CHORDC1: variants seen among roughly 807,000 people sequenced by gnomAD.
The protein encoded by CHORDC1 is cysteine and histidine-rich domain-containing protein 1.
CHORDC1 carries 25 observed loss-of-function variants against 48.3 expected under a neutral mutation model. The observed-to-expected ratio is 0.52, with a 90% CI of 0.38 to 0.72. CHORDC1 has a LOEUF of 0.72. Among genes scored for constraint, CHORDC1 ranks in the 30% least tolerant of loss-of-function variants. The probability of loss-of-function intolerance (pLI) is 0.00; values close to 1 mark genes in which losing one functional copy is unlikely to be tolerated. For missense variants in CHORDC1, 317 were observed against 388.7 expected, an observed-to-expected ratio of 0.82 and a Z score of 1.55; for synonymous variants, 128 against 126.4, an observed-to-expected ratio of 1.01 and a Z score of -0.09.
At chr11:90,219,484 C>T (rs1018212019) in intron 1 of CHORDC1, among the ~76,000 whole-genome samples, 22 of 152,196 alleles carry the variant, frequency 1.4e-4, no homozygotes, top group African/African-American at 4.3e-4. Flanking sequence ...GTGACATGCT[C>T]GTGACGGCTT....
chr11:90,217,067 C>T (rs1241129255), intron 2 of CHORDC1, among the ~76,000 whole-genome samples: 1 of 152,152 alleles, frequency 6.6e-6, no homozygotes, highest in African/African-American at 2.4e-5. Context: ...TTTGTAAAAA[C>T]TAAAAAAATG....
chr11:90,220,426 G>A (rs946768461), intron 1 of CHORDC1, among the ~76,000 whole-genome samples: 6 of 152,278 alleles, frequency 3.9e-5, no homozygotes, highest in East Asian at 1.9e-4. Flanking sequence ...AGTAGAAATG[G>A]GTATGCAGAA....
intron 2 of CHORDC1, chr11:90,216,675 A>G: frequency 3.4e-6 from 1 of 294,490 alleles, no homozygotes; most frequent in South Asian, 2.9e-5. Context: ...GCGGTAAGAG[A>G]AAAAACGGGC....
rs372693041 is a variant in CHORDC1 at position 90,205,618 on chromosome 11, T to A, written c.564-53A>T. 1,060 of 1,117,134 alleles carry A rather than the reference T, an allele frequency of 9.5e-4. 15 individuals are homozygous for A. The South Asian group carries it at 0.014, about 14-fold the overall frequency. The allele number at this position is 1,117,134 out of a possible 1,614,324, so 69.2% of individuals were successfully genotyped here. Reference sequence around the variant, plus strand: ...AAATAAAATCTCACAACCAATTAAATCCACAAGTATTTTAGGGATAAATCT... The same window carrying A: ...AAATAAAATCTCACAACCAATTAAAACCACAAGTATTTTAGGGATAAATCT... On this transcript the variant is annotated intron_variant, in intron 7 of 10. Transcript: ENST00000320585.
intron 8 of CHORDC1, among the ~76,000 whole-genome samples, chr11:90,204,698 G>A (rs943145854): frequency 6.6e-6 from 1 of 151,700 alleles, no homozygotes; most frequent in African/African-American, 2.4e-5. Flanking sequence ...GACAGAGCGA[G>A]ACTCTGTCTC....
chr11:90,211,221 T>C lies in CHORDC1; in HGVS notation c.427A>G (p.Lys143Glu), dbSNP rs751112342. The stretch of plus-strand genomic sequence containing the variant: ...AAACAAAATAAAATCTTACCTTTCT[T>C]ATTTTCTTCATTCCCTGATGACAGT... ...LKLSSGNEEN[K>E]KEEDNDEIKI... The change falls in exon 5 of 11, where the codon AAG becomes GAG. Residue 143 changes from lysine (K) to glutamate (E), a missense_variant. By Grantham distance (56) the Lys-to-Glu change is moderately conservative. Transcript: ENST00000320585. 1.9e-6 allele frequency: 3 copies of C among 1,563,172 alleles called. No homozygotes were observed. Among genetic ancestry groups the C allele is most frequent in the South Asian group, 2.3e-5 (2 of 88,582 alleles).
rs185568478 is a variant in CHORDC1 at position 90,202,077 on chromosome 11, T to A, written c.*328A>T. The A allele has an allele frequency of 2.7e-3, 500 of 188,130 alleles. 3 individuals carry two copies. Among genetic ancestry groups the A allele is most frequent in the African/African-American group, 0.011 (461 of 43,110 alleles). The allele number at this position is 188,130 out of a possible 1,614,324, so 11.7% of individuals were successfully genotyped here. A position where few individuals can be genotyped will look rare whatever the true frequency, so the allele number is the denominator to read the frequency against. ...GAATAATACAAAAACATAAAAAAAA[T>A]GTTCCTTAATATTTCTTTGCTTAAC... On this transcript the variant is annotated 3_prime_UTR_variant, in exon 11 of 11. Coordinates refer to ENST00000320585, the MANE Select transcript of CHORDC1 (RefSeq NM_012124.3).
At chr11:90,216,142 G>A (rs910897341) in intron 2 of CHORDC1, among the ~76,000 whole-genome samples, 2 of 151,904 alleles carry the variant, frequency 1.3e-5, no homozygotes, top group Non-Finnish European at 2.9e-5. Context: ...CTTAAATATA[G>A]GGTTTAAATA....
chr11:90,211,523 T>G, intron 4 of CHORDC1: 1 of 423,252 alleles, frequency 2.4e-6, no homozygotes, highest in Non-Finnish European at 4.2e-6. Context: ...TATATTAGAA[T>G]AGTAAGTCTC....
At chr11:90,210,772 T>G in intron 5 of CHORDC1, 178 bp from the exon 6 acceptor site, 1 of 573,718 alleles carries the variant, frequency 1.7e-6, no homozygotes, top group South Asian at 2.2e-5. Context: ...GAGGACCTGG[T>G]GTCTTCAACA....
At position 90,205,530 on chromosome 11, in the gene CHORDC1, G is replaced by T; in HGVS notation, c.599C>A (p.Ser200Tyr). The change falls in exon 8 of 11, where the codon TCT (serine) becomes TAT (tyrosine). Residue 200 changes from serine to tyrosine, a missense_variant. Ser to Tyr is a moderately radical substitution (Grantham distance 144). Coordinates refer to ENST00000320585, the MANE Select transcript of CHORDC1 (RefSeq NM_012124.3). ...KYWSCCRRKT[S>Y]DFNTFLAQEG... The stretch of plus-strand genomic sequence containing the variant: ...TTGGGCTAAGAATGTATTAAAATCA[G>T]AAGTTTTTCTTCTACAACAGCTCCA... 1.9e-6 allele frequency: 3 copies of T among 1,601,506 alleles called. No individual in the cohort carries two copies. Among genetic ancestry groups the T allele is most frequent in the Non-Finnish European group, 2.6e-6 (3 of 1,176,448 alleles).
chr11:90,215,516 C>CT (rs150851038), intron 2 of CHORDC1, among the ~76,000 whole-genome samples: 2,037 of 150,652 alleles, frequency 0.014, 51 homozygotes, highest in African/African-American at 0.046. Context: ...ATCGTGTCTG[C>CT]TTTTTTTTTA....
At chr11:90,205,730 G>T in intron 7 of CHORDC1, 165 bp from the exon 8 acceptor site, 1 of 576,656 alleles carries the variant, frequency 1.7e-6, no homozygotes, top group Non-Finnish European at 3.0e-6. Context: ...ATATCAGGAA[G>T]AATGTGGAAA....
In CHORDC1 at chr11:90,206,210, GA is replaced by G; in HGVS notation, c.554del (p.Phe185SerfsTer5). The G allele has an allele frequency of 6.5e-7, 1 of 1,540,280 alleles. No homozygotes were observed. Among genetic ancestry groups the G allele is most frequent in the Non-Finnish European group, 9.0e-7 (1 of 1,113,402 alleles). ...AGTCATGCATAAGTTACCCCTCATG[GA>G]AAATAGGTACTCCAGAATGATATAC... ...VCVYHSGVPI[F>X]HEGMKYWSCC... On this transcript the variant is annotated frameshift_variant, in exon 7 of 11. Coordinates refer to ENST00000320585, the MANE Select transcript of CHORDC1 (RefSeq NM_012124.3). LOFTEE classifies it high-confidence loss of function.
chr11:90,210,605 G>GAA lies in CHORDC1; in HGVS notation c.434-13_434-12dup. Reference sequence around the variant, plus strand: ...CATCATTGTCTTCTTCTGTAACAAAGAAAAAAAAATCAAATTAAAAAGTTA... The same window carrying GAA: ...CATCATTGTCTTCTTCTGTAACAAAGAAAAAAAAAAATCAAATTAAAAAGTTA... On this transcript the variant is annotated splice_polypyrimidine_tract_variant and intron_variant, in intron 5 of 10. Transcript: ENST00000320585. 2 of 1,490,486 alleles carry GAA rather than the reference G, an allele frequency of 1.3e-6. No individual in the cohort carries two copies. Among genetic ancestry groups the GAA allele is most frequent in the Non-Finnish European group, 1.8e-6 (2 of 1,090,888 alleles). 92.3% of individuals were successfully genotyped at this position (1,490,486 alleles called of 1,614,324 possible).
chr11:90,204,886 T>C (rs1353468342), intron 8 of CHORDC1, among the ~76,000 whole-genome samples: 1 of 152,132 alleles, frequency 6.6e-6, no homozygotes, highest in Non-Finnish European at 1.5e-5. Flanking sequence ...TGGGAAATTA[T>C]TTGCATAGCC....
chr11:90,201,850 T>C lies in CHORDC1; in HGVS notation c.*555A>G, dbSNP rs1857551612. 1 of 152,412 alleles carries C rather than the reference T, an allele frequency of 6.6e-6. No homozygotes were observed. The highest frequency in any genetic ancestry group is 6.6e-5 in the Admixed American group (1 of 15,246). 9.4% of individuals were successfully genotyped at this position (152,412 alleles called of 1,614,324 possible). Reference sequence around the variant, plus strand: ...AAAATTCAAGTAGTTGTAAACAAATTCTAATTTGTTAAACAATTCATATAT... The same window carrying C: ...AAAATTCAAGTAGTTGTAAACAAATCCTAATTTGTTAAACAATTCATATAT... On this transcript the variant is annotated 3_prime_UTR_variant, in exon 11 of 11. Coordinates refer to ENST00000320585, the MANE Select transcript of CHORDC1 (RefSeq NM_012124.3).
intron 8 of CHORDC1, among the ~76,000 whole-genome samples, chr11:90,205,165 G>C (rs1257073351): frequency 1.3e-5 from 2 of 152,056 alleles, no homozygotes; most frequent in Non-Finnish European, 2.9e-5. Flanking sequence ...GTAGGAAGAG[G>C]CCATGGAGCT....
At position 90,202,462 on chromosome 11, in the gene CHORDC1, G is replaced by C. The variant is rs749974571; in HGVS notation, c.942C>G (p.Ser314Arg). Residue 314 changes from serine to arginine, a missense_variant, in exon 11 of 11, where the codon AGC becomes AGG. By Grantham distance (110) the Ser-to-Arg change is moderately radical. Transcript: ENST00000320585. ...MRKAEPMQWA[S>R]LELPAAKKQE... ...GCTTTTTAGCTGCAGGCAGTTCAAG[G>C]CTTGCCCACTGCATCGGTTCAGCTT... 2.5e-6 allele frequency: 4 copies of C among 1,611,964 alleles called. No individual in the cohort carries two copies. Among genetic ancestry groups the C allele is most frequent in the East Asian group, 4.5e-5 (2 of 44,876 alleles).
Sources: allele counts gnomAD v4.1 joint callset (sites outside exome capture counted in the v4.1 genomes callset), GRCh38; gene constraint gnomAD v4.1.1; transcripts MANE v1.5; gene names NCBI Gene and HGNC (gene_info 2026-07-23, HGNC 2026-07-21).